The following CYP19A1 variants were observed in gnomAD, a reference collection of about 807,000 sequenced individuals.
CYP19A1 encodes aromatase.
A neutral mutation model predicts 44.4 loss-of-function variants in CYP19A1; 32 were observed. That is an observed-to-expected ratio of 0.72 (90% confidence interval 0.54 to 0.97). The LOEUF is 0.97. Ranked by LOEUF, CYP19A1 falls within the 50% of genes least tolerant of loss-of-function variation. The pLI, the probability that CYP19A1 is intolerant of heterozygous loss-of-function variation, is 0.00. For missense variants in CYP19A1, 598 were observed against 637.8 expected (o/e 0.94, Z 0.67); for synonymous variants, 212 against 215.6 (o/e 0.98, Z 0.14).
At chr15:51,319,172 C>T (rs2141020248) in intron 1 of CYP19A1, among the ~76,000 whole-genome samples, 1 of 152,188 alleles carries the variant, frequency 6.6e-6, no homozygotes, top group East Asian at 1.9e-4. Flanking sequence ...GTGTCTCACC[C>T]CTACACCCTT....
chr15:51,311,113 G>A (rs1197510584), intron 1 of CYP19A1, among the ~76,000 whole-genome samples: 1 of 152,024 alleles, frequency 6.6e-6, no homozygotes, highest in African/African-American at 2.4e-5. Context: ...AAAGTGATAA[G>A]GACCAGGAAA....
intron 1 of CYP19A1, among the ~76,000 whole-genome samples, chr15:51,311,941 C>A (rs960210845): frequency 6.6e-6 from 1 of 152,146 alleles, no homozygotes; most frequent in Admixed American, 6.6e-5. Flanking sequence ...CCTTTATGAA[C>A]TCTTATGTGA....
chr15:51,295,773 GT>G (rs1297235087), intron 1 of CYP19A1, among the ~76,000 whole-genome samples: 1 of 152,194 alleles, frequency 6.6e-6, no homozygotes, highest in Non-Finnish European at 1.5e-5. Flanking sequence ...GGTCCCTCGG[GT>G]CCAGTTCTGG....
chr15:51,249,088 C>T (rs984827061), intron 1 of CYP19A1, among the ~76,000 whole-genome samples: 13 of 151,946 alleles, frequency 8.6e-5, no homozygotes, highest in African/African-American at 3.1e-4. Flanking sequence ...TACAGGCACC[C>T]ACTACCACGC....
chr15:51,245,223 G>A (rs2033995948), intron 1 of CYP19A1, among the ~76,000 whole-genome samples: 1 of 152,196 alleles, frequency 6.6e-6, no homozygotes, highest in Non-Finnish European at 1.5e-5. Context: ...TGTCTAAAAT[G>A]TTTAACAGAG....
intron 1 of CYP19A1, among the ~76,000 whole-genome samples, chr15:51,336,981 C>G (rs533077029): frequency 1.8e-4 from 27 of 151,848 alleles, no homozygotes; most frequent in Non-Finnish European, 2.8e-4. Context: ...GCAGGCTATG[C>G]AGGCATATCT....
intron 8 of CYP19A1, among the ~76,000 whole-genome samples, chr15:51,214,477 G>C (rs2031367321): frequency 6.6e-6 from 1 of 152,124 alleles, no homozygotes; most frequent in South Asian, 2.1e-4. Flanking sequence ...CCCTGTCTTT[G>C]CTGTCATCCT....
intron 1 of CYP19A1, among the ~76,000 whole-genome samples, chr15:51,326,709 G>A (rs761125264): frequency 1.3e-5 from 2 of 152,122 alleles, no homozygotes; most frequent in African/African-American, 2.4e-5. Context: ...TTTTGAACCT[G>A]GAAGAAACCT....
chr15:51,322,232 G>T (rs1245017983), intron 1 of CYP19A1, among the ~76,000 whole-genome samples: 2 of 152,178 alleles, frequency 1.3e-5, no homozygotes, highest in Non-Finnish European at 1.5e-5. Flanking sequence ...GGAGATCTCT[G>T]CCCTTGTCAG....
intron 1 of CYP19A1, among the ~76,000 whole-genome samples, chr15:51,328,930 C>T (rs1389657444): frequency 6.6e-6 from 1 of 152,184 alleles, no homozygotes; most frequent in Non-Finnish European, 1.5e-5. Context: ...CTTCTTCCTG[C>T]CTTCAGATAC....
chr15:51,210,238 G>A lies in CYP19A1; in HGVS notation c.*570C>T. On this transcript the variant is annotated 3_prime_UTR_variant, in exon 10 of 10. Transcript: ENST00000396402. ...AGACAGATCATATGTAGACAAACAG[G>A]AATTAATTGGGCTTAATTCACAGCA... is the stretch of plus-strand genomic sequence containing the variant. The A allele has an allele frequency of 2.4e-6, 1 of 415,356 alleles. No individual in the cohort carries two copies. Among genetic ancestry groups the A allele is most frequent in the Non-Finnish European group, 4.8e-6 (1 of 208,710 alleles). The allele number at this position is 415,356 out of a possible 1,614,324, so 25.7% of individuals were successfully genotyped here. A position where few individuals can be genotyped will look rare whatever the true frequency, so the allele number is the denominator to read the frequency against.
intron 1 of CYP19A1, among the ~76,000 whole-genome samples, chr15:51,319,225 A>G (rs1222676538): frequency 3.3e-5 from 5 of 152,318 alleles, no homozygotes; most frequent in African/African-American, 7.2e-5. Flanking sequence ...ACCCAATTTT[A>G]TTACAACTAA....
At chr15:51,337,262 A>C (rs983601267) in intron 1 of CYP19A1, among the ~76,000 whole-genome samples, 2 of 152,244 alleles carry the variant, frequency 1.3e-5, no homozygotes, top group Non-Finnish European at 2.9e-5. Context: ...ATGTGGAAGA[A>C]CTAAGATGTC....
Position 51,236,942 on chromosome 15 carries a change from G to T in CYP19A1, c.213C>A (p.Gly71=), listed in dbSNP as rs1356970293. The T allele has an allele frequency of 3.1e-5, 50 of 1,614,060 alleles. No individual in the cohort carries two copies. Among genetic ancestry groups the T allele is most frequent in the Non-Finnish European group, 3.8e-5 (45 of 1,180,036 alleles). The change falls in exon 3 of 10, where the codon GGC becomes GGA. Residue 71 remains glycine, a synonymous_variant. Transcript: ENST00000396402. ...SHGRFLWMGI[G]SACNYYNRVY... ...CCCGGTTGTAGTAGTTGCAGGCACT[G>T]CCGATCCCCATCCACAGGAATCTGC... is the stretch of plus-strand genomic sequence containing the variant.
chr15:51,285,288 C>T (rs1314870523), intron 1 of CYP19A1, among the ~76,000 whole-genome samples: 1 of 151,784 alleles, frequency 6.6e-6, no homozygotes, highest in Non-Finnish European at 1.5e-5. Flanking sequence ...AGGGGAGATA[C>T]GTGGGAAGCA....
chr15:51,330,585 G>C (rs1248762332), intron 1 of CYP19A1, among the ~76,000 whole-genome samples: 3 of 152,186 alleles, frequency 2.0e-5, no homozygotes, highest in African/African-American at 7.2e-5. Flanking sequence ...GCAGGGTTTG[G>C]GTATGTGGTG....
chr15:51,254,695 A>T (rs1391833648), intron 1 of CYP19A1, among the ~76,000 whole-genome samples: 1 of 152,058 alleles, frequency 6.6e-6, no homozygotes, highest in Non-Finnish European at 1.5e-5. Flanking sequence ...GTCCATTCAC[A>T]TTTTTATTTC....
At chr15:51,226,970 T>C (rs1178943662) in intron 4 of CYP19A1, among the ~76,000 whole-genome samples, 2 of 152,130 alleles carry the variant, frequency 1.3e-5, no homozygotes, top group Non-Finnish European at 2.9e-5. Flanking sequence ...CATTCACAAA[T>C]TGCTTCCTGC....
At chr15:51,269,540 C>G (rs1386835369) in intron 1 of CYP19A1, among the ~76,000 whole-genome samples, 1 of 151,940 alleles carries the variant, frequency 6.6e-6, no homozygotes, top group African/African-American at 2.4e-5. Flanking sequence ...CTGCTCAAAT[C>G]TCCTTAAAAC....
Sources: gnomAD v4.1 joint callset for allele counts (sites outside exome capture counted in the v4.1 genomes callset) on GRCh38, gnomAD v4.1.1 for gene constraint, MANE v1.5 for transcripts, NCBI Gene and HGNC (gene_info 2026-07-23, HGNC 2026-07-21) for gene names.